Variants in ARHGAP27 observed in about 807,000 individuals in gnomAD.
ARHGAP27 encodes the protein Rho GTPase activating protein 27.
ARHGAP27 carries 53 observed loss-of-function variants against 102.0 expected under a neutral mutation model. The observed-to-expected ratio is 0.52, with a 90% CI of 0.42 to 0.65. The LOEUF is 0.65. ARHGAP27 is among the 30% of genes least tolerant of loss of function. The pLI, the probability that ARHGAP27 is intolerant of heterozygous loss-of-function variation, is 0.00. For synonymous variants in ARHGAP27, 525 were observed against 542.8 expected, an observed-to-expected ratio of 0.97 and a Z score of 0.46; for missense variants, 1,117 against 1,256.2, an observed-to-expected ratio of 0.89 and a Z score of 1.68.
intron 4 of ARHGAP27, among the ~76,000 whole-genome samples, chr17:45,417,956 A>G (rs1217396816): frequency 6.7e-6 from 1 of 149,914 alleles, no homozygotes; most frequent in Admixed American, 6.7e-5. Context: ...TGGGAAGCTG[A>G]GGCAGGAGAA....
chr17:45,429,699 G>A lies in ARHGAP27; in HGVS notation c.581C>T (p.Ala194Val), dbSNP rs768865342. The A allele has an allele frequency of 4.1e-5, 64 of 1,557,626 alleles. No individual in the cohort carries two copies. In the African/African-American group the frequency reaches 7.9e-4, roughly 19 times the overall value. Residue 194 changes from alanine to valine, a missense_variant, in exon 4 of 20, where the codon GCG becomes GTG. Coordinates refer to ENST00000685559, the MANE Select transcript of ARHGAP27 (RefSeq NM_001282290.2). Reference sequence around the variant, plus strand: ...GTAGACGTTCTCTGAGTCGCTGCGCGCCAGAGGCCGCGGGCACACCCAGGA... The same window carrying A: ...GTAGACGTTCTCTGAGTCGCTGCGCACCAGAGGCCGCGGGCACACCCAGGA... ...AGSWVCPRPL[A>V]RSDSENVYEV...
chr17:45,417,990 T>G (rs1276246363), intron 4 of ARHGAP27, among the ~76,000 whole-genome samples: 1 of 149,812 alleles, frequency 6.7e-6, no homozygotes, highest in African/African-American at 2.5e-5. Context: ...GGAGCGGAGA[T>G]CGTGCCACTG....
At chr17:45,405,508 T>C (rs1313843980) in intron 5 of ARHGAP27, among the ~76,000 whole-genome samples, 168 bp downstream of exon 5, 1 of 147,046 alleles carries the variant, frequency 6.8e-6, no homozygotes, top group Non-Finnish European at 1.5e-5. Context: ...CCCTTCACCC[T>C]GGGGTCCCTG....
intron 4 of ARHGAP27, among the ~76,000 whole-genome samples, chr17:45,420,821 G>A (rs1242297117): frequency 6.6e-6 from 1 of 151,736 alleles, no homozygotes; most frequent in Admixed American, 6.6e-5. Flanking sequence ...GGGCATGTTG[G>A]GGGGCGCCTG....
Position 45,402,803 on chromosome 17 carries a change from A to C in ARHGAP27, c.1654T>G (p.Phe552Val). ...AAGGLRQPSK[F>V]STPEYTVELR... is the part of the protein sequence containing the mutation. ...TCCACTGTGTACTCAGGGGTGGAAAACTTGGAAGGCTGCCTCTGTGGGAGA... is the reference window on the plus strand; with the variant it reads ...TCCACTGTGTACTCAGGGGTGGAAACCTTGGAAGGCTGCCTCTGTGGGAGA... The change falls in exon 12 of 20, where the codon TTT (phenylalanine) becomes GTT (valine). Residue 552 changes from phenylalanine to valine, a missense_variant. Phe to Val is a conservative substitution (Grantham distance 50, BLOSUM62 -1). Coordinates refer to ENST00000685559, the MANE Select transcript of ARHGAP27 (RefSeq NM_001282290.2). The C allele has an allele frequency of 6.2e-7, 1 of 1,613,186 alleles. No individual in the cohort carries two copies. The highest frequency in any genetic ancestry group is 1.3e-5 in the African/African-American group (1 of 74,940).
At chr17:45,426,394 A>G (rs1249231445) in intron 4 of ARHGAP27, among the ~76,000 whole-genome samples, 1 of 152,094 alleles carries the variant, frequency 6.6e-6, no homozygotes, top group African/African-American at 2.4e-5. Context: ...TGTCCAGCAC[A>G]GTGACCAGCC....
chr17:45,429,525 C>T (rs1380185015), intron 4 of ARHGAP27, 98 bp downstream of exon 4: 4 of 1,534,362 alleles, frequency 2.6e-6, no homozygotes, highest in South Asian at 1.2e-5. Context: ...GCGTCGTGCC[C>T]GACGCTGAGC....
chr17:45,395,726 G>C lies in ARHGAP27; in HGVS notation c.2492+18C>G. On this transcript the variant is annotated intron_variant, in intron 19 of 19. Coordinates refer to ENST00000685559, the MANE Select transcript of ARHGAP27 (RefSeq NM_001282290.2). ...CCGGGACCTGCCTCCCCCTTCCCGC[G>C]CGGGCCGCCCGGCTCACCGGCAGAG... 6.3e-7 allele frequency: 1 copy of C among 1,580,124 alleles called. No individual in the cohort carries two copies.
Position 45,410,072 on chromosome 17 carries a change from C to T in ARHGAP27, c.658-3989G>A, listed in dbSNP as rs550967862. ...CCCTGCCACTCTTGCCCCAAGCTGA[C>T]CACCTCTTGGATGGGCAGGGCCTCC... On this transcript the variant is annotated intron_variant, in intron 4 of 19. Coordinates refer to ENST00000685559, the MANE Select transcript of ARHGAP27 (RefSeq NM_001282290.2). 7.1e-4 allele frequency: 662 copies of T among 930,678 alleles called. 1 individual carries two copies. Among genetic ancestry groups the T allele is most frequent in the Non-Finnish European group, 9.7e-4 (623 of 642,740 alleles). The allele number at this position is 930,678 out of a possible 1,614,324, so 57.7% of individuals were successfully genotyped here.
At chr17:45,395,658 G>C (rs569050027) in intron 19 of ARHGAP27, 25 bp from the exon 20 acceptor site, 26 of 1,587,802 alleles carry the variant, frequency 1.6e-5, no homozygotes, top group Non-Finnish European at 2.1e-5. Context: ...GGTGGGTTCA[G>C]GGCTCCGAAC....
In ARHGAP27 at chr17:45,395,724, G is replaced by A; in HGVS notation, c.2492+20C>T. On this transcript the variant is annotated intron_variant, in intron 19 of 19. Transcript: ENST00000685559. ...AGCCGGGACCTGCCTCCCCCTTCCCGCGCGGGCCGCCCGGCTCACCGGCAG... is the reference window on the plus strand; with the variant it reads ...AGCCGGGACCTGCCTCCCCCTTCCCACGCGGGCCGCCCGGCTCACCGGCAG... 1 of 1,577,768 alleles carries A rather than the reference G, an allele frequency of 6.3e-7. No homozygotes were observed. The highest frequency in any genetic ancestry group is 8.6e-7 in the Non-Finnish European group (1 of 1,166,320).
intron 4 of ARHGAP27, among the ~76,000 whole-genome samples, chr17:45,412,260 G>T (rs944345770): frequency 6.6e-6 from 1 of 152,152 alleles, no homozygotes. Flanking sequence ...CCTCCCCCCA[G>T]TGAGAGGAGG....
At chr17:45,414,464 G>A (rs534328170) in intron 4 of ARHGAP27, among the ~76,000 whole-genome samples, 9 of 149,416 alleles carry the variant, frequency 6.0e-5, no homozygotes, top group South Asian at 2.1e-4. Context: ...TTTAGACAGC[G>A]TCTTGCTCTG....
Position 45,396,087 on chromosome 17 carries a change from C to A in ARHGAP27, c.2282G>T (p.Trp761Leu). ...DERLDLDDGR[W>L]EDVHVITGAL... The stretch of plus-strand genomic sequence containing the variant: ...TCCGGTGATAACGTGGACGTCCTCC[C>A]AGCGCCCGTCATCCAGGTCAAGGCG... The change falls in exon 18 of 20, where the codon TGG becomes TTG. Residue 761 changes from tryptophan (W) to leucine (L), a missense_variant. Physicochemically the swap from Trp to Leu is moderately conservative, Grantham distance 61. Transcript: ENST00000685559. 1 of 1,613,466 alleles carries A rather than the reference C, an allele frequency of 6.2e-7. No homozygotes were observed. The highest frequency in any genetic ancestry group is 1.1e-5 in the South Asian group (1 of 91,032).
intron 18 of ARHGAP27, 22 bp downstream of exon 18, chr17:45,395,961 C>T: frequency 6.3e-7 from 1 of 1,599,124 alleles, no homozygotes; most frequent in Non-Finnish European, 8.5e-7. Context: ...CCCCATCCGC[C>T]CCACCTGCCC....
At chr17:45,399,129 A>C (rs1438995504) in intron 12 of ARHGAP27, among the ~76,000 whole-genome samples, 1 of 152,224 alleles carries the variant, frequency 6.6e-6, no homozygotes, top group African/African-American at 2.4e-5. Flanking sequence ...TTCCAGGTTA[A>C]TGTGAATGTT....
In ARHGAP27 at chr17:45,398,061, A is replaced by C. The variant is rs776662839; in HGVS notation, c.1744-14T>G. On this transcript the variant is annotated splice_polypyrimidine_tract_variant and intron_variant, in intron 12 of 19. Coordinates refer to ENST00000685559, the MANE Select transcript of ARHGAP27 (RefSeq NM_001282290.2). ...TCGGCTCCGTAGCTGGAGGGACACA[A>C]GTCAGTGGGTCATCTCTGGTACCCT... is the stretch of plus-strand genomic sequence containing the variant. The C allele has an allele frequency of 1.8e-5, 28 of 1,594,026 alleles. No individual in the cohort carries two copies. The highest frequency in any genetic ancestry group is 2.3e-5 in the Non-Finnish European group (27 of 1,165,406).
rs1451653335 is a variant in ARHGAP27 at position 45,396,805 on chromosome 17, G to A, written c.1952-15C>T. 1 of 1,609,168 alleles carries A rather than the reference G, an allele frequency of 6.2e-7. No homozygotes were observed. The highest frequency in any genetic ancestry group is 8.5e-7 in the Non-Finnish European group (1 of 1,177,928). On this transcript the variant is annotated splice_polypyrimidine_tract_variant and intron_variant, in intron 14 of 19. Coordinates refer to ENST00000685559, the MANE Select transcript of ARHGAP27 (RefSeq NM_001282290.2). ...GGCGGGCGCGGCTGCCGCGGGGAAA[G>A]GCAGGACTGAGTCAGGAGGCAGCGC...
At chr17:45,403,104 C>G (rs2046643173) in intron 11 of ARHGAP27, among the ~76,000 whole-genome samples, 1 of 152,248 alleles carries the variant, frequency 6.6e-6, no homozygotes, top group East Asian at 1.9e-4. Context: ...GCCCTCCAGG[C>G]TGGAGCTGGC....
Sources: allele counts gnomAD v4.1 joint callset (sites outside exome capture counted in the v4.1 genomes callset), GRCh38; gene constraint gnomAD v4.1.1; transcripts MANE v1.5; gene names NCBI Gene and HGNC (gene_info 2026-07-23, HGNC 2026-07-21).